Variants in TNXB observed in about 807,000 individuals in gnomAD.
TNXB encodes the protein tenascin XB.
In TNXB, 183 loss-of-function variants were observed where a neutral mutation model predicts 340.5. The ratio of observed to expected loss-of-function variants is 0.54; its 90% CI spans 0.48 to 0.61. The LOEUF is 0.61. Ranked by LOEUF, TNXB falls within the 20% of genes least tolerant of loss-of-function variation. The pLI, the probability that TNXB is intolerant of heterozygous loss-of-function variation, is 0.00. For synonymous variants in TNXB, 2,121 were observed against 2,314.5 expected, an observed-to-expected ratio of 0.92 and a Z score of 2.40; for missense variants, 4,613 against 5,446.4, an observed-to-expected ratio of 0.85 and a Z score of 4.82.
intron 11 of TNXB, among the ~76,000 whole-genome samples, chr6:32,077,511 A>G (rs1779143440): frequency 6.6e-6 from 1 of 152,224 alleles, no homozygotes; most frequent in Admixed American, 6.5e-5. Flanking sequence ...TCTGTGAGCA[A>G]AGGAAAAAAG....
At position 32,043,349 on chromosome 6, in the gene TNXB, GC is replaced by G. The variant is rs1562772631; in HGVS notation, c.11651-32del. ...AGTGTAGAGAGGGGCATCAAGGCCT[GC>G]CCCCTCCATCCTCGGCCAGAGTCCA... On this transcript the variant is annotated intron_variant, in intron 36 of 43. Coordinates refer to ENST00000644971, the MANE Select transcript of TNXB (RefSeq NM_001365276.2). The G allele has an allele frequency of 2.0e-5, 8 of 407,878 alleles. No individual in the cohort carries two copies. In the East Asian group the frequency reaches 2.9e-4, roughly 15 times the overall value. 25.3% of individuals were successfully genotyped at this position (407,878 alleles called of 1,614,324 possible). A position where few individuals can be genotyped will look rare whatever the true frequency, so the allele number is the denominator to read the frequency against.
In TNXB at chr6:32,046,198, G is replaced by C. The variant is rs201589523; in HGVS notation, c.10583C>G (p.Pro3528Arg). The part of the protein sequence containing the change: ...YGLLGGKRLG[P>R]VSALGMTAPE... ...ACCTGTCATTCCCAGGGCAGAGACC[G>C]GGCCCAGGCGCTTTCCCCCAAGGAG... is the stretch of plus-strand genomic sequence containing the variant. The change falls in exon 31 of 44, where the codon CCG becomes CGG. Residue 3528 changes from proline to arginine, a missense_variant. Transcript: ENST00000644971. The surrounding 1 kb of genome is among the most constrained non-coding windows in gnomAD (Gnocchi z 6.9). The C allele has an allele frequency of 6.3e-7, 1 of 1,588,456 alleles. No individual in the cohort carries two copies. The highest frequency in any genetic ancestry group is 8.6e-7 in the Non-Finnish European group (1 of 1,163,656).
rs777601325 is a variant in TNXB, at chr6:32,052,658, A to G, written c.9115+12T>C. The G allele has an allele frequency of 1.2e-6, 2 of 1,608,892 alleles. No individual in the cohort carries two copies. Among genetic ancestry groups the G allele is most frequent in the African/African-American group, 2.7e-5 (2 of 74,762 alleles). On this transcript the variant is annotated intron_variant, in intron 26 of 43. Coordinates refer to ENST00000644971, the MANE Select transcript of TNXB (RefSeq NM_001365276.2). This position sits in a 1 kb window ranked among gnomAD's most constrained non-coding sequence, Gnocchi z 4.7. ...CCATCTTCCCCACCTCGCCTCACTC[A>G]CACTTACTCACCTGTCACACCCACA... is the stretch of plus-strand genomic sequence containing the variant.
Position 32,053,430 on chromosome 6 carries a change from C to T in TNXB, c.8749G>A (p.Gly2917Ser), listed in dbSNP as rs61744592. 8.2e-5 allele frequency: 132 copies of T among 1,612,932 alleles called. No individual in the cohort carries two copies. The highest frequency in any genetic ancestry group is 9.8e-5 in the Non-Finnish European group (116 of 1,179,882). Residue 2917 changes from glycine (G) to serine (S), a missense_variant, in exon 25 of 44, where the codon GGT (glycine) becomes AGT (serine). Physicochemically the swap from Gly to Ser is moderately conservative, Grantham distance 56. Around this residue, in one of 7 missense-constraint regions of TNXB, gnomAD observed 4,327 missense variants for 4,859.4 expected, o/e 0.89. Coordinates refer to ENST00000644971, the MANE Select transcript of TNXB (RefSeq NM_001365276.2). ...KYKMNLYGFHGGQRVGPISVI... is the reference protein window; with the variant it reads ...KYKMNLYGFHSGQRVGPISVI... ...GAGATGGGGCCCACGCGCTGGCCACCGTGGAAGCCGTACAGGTTCATCTTG... is the reference window on the plus strand; with the variant it reads ...GAGATGGGGCCCACGCGCTGGCCACTGTGGAAGCCGTACAGGTTCATCTTG...
rs61998180 is a variant in TNXB, at chr6:32,079,055, C to G, written c.4353G>C (p.Pro1451=). 6.2e-7 allele frequency: 1 copy of G among 1,612,592 alleles called. No individual in the cohort carries two copies. The highest frequency in any genetic ancestry group is 1.7e-5 in the Admixed American group (1 of 59,940). Residue 1451 remains proline, a synonymous_variant, in exon 11 of 44, where the codon CCG becomes CCC. Transcript: ENST00000644971. This position sits in a 1 kb window ranked among gnomAD's most constrained non-coding sequence, Gnocchi z 7.1. The stretch of plus-strand genomic sequence containing the variant: ...CACCTGTCACGCCCACGGCGGACAC[C>G]GGGCCCACGCGCTGCCCCTCGTGGA... The part of the protein sequence containing the change: ...YGLHEGQRVG[P]VSAVGVTAPQ...
chr6:32,093,311 A>ATG (rs1780162714), intron 4 of TNXB: 2 of 683,994 alleles, frequency 2.9e-6, no homozygotes. Context: ...TTGTCTCGTG[A>ATG]TTAAAGTATT....
At position 32,049,732 on chromosome 6, in the gene TNXB, A is replaced by G. The variant is rs1562790611; in HGVS notation, c.9440-145T>C. 17 of 1,157,724 alleles carry G rather than the reference A, an allele frequency of 1.5e-5. No individual in the cohort carries two copies. Among genetic ancestry groups the G allele is most frequent in the Non-Finnish European group, 1.8e-5 (15 of 836,626 alleles). 71.7% of individuals were successfully genotyped at this position (1,157,724 alleles called of 1,614,324 possible). A position where few individuals can be genotyped will look rare whatever the true frequency, so the allele number is the denominator to read the frequency against. On this transcript the variant is annotated intron_variant, in intron 27 of 43. Transcript: ENST00000644971. This position sits in a 1 kb window ranked among gnomAD's most constrained non-coding sequence, Gnocchi z 4.5. ...GGGGCTGGGTGGTCCTGCTCAGCTG[A>G]CAGCTAACACACGTAACAAGTTCCA...
chr6:32,087,580 C>G lies in TNXB; in HGVS notation c.2779+1205G>C, dbSNP rs1409872981. 5.2e-6 allele frequency: 2 copies of G among 386,084 alleles called. No individual in the cohort carries two copies. The highest frequency in any genetic ancestry group is 3.1e-5 in the Admixed American group (1 of 31,986). The allele number at this position is 386,084 out of a possible 1,614,324, so 23.9% of individuals were successfully genotyped here. On this transcript the variant is annotated intron_variant, in intron 6 of 43. Transcript: ENST00000644971. The surrounding 1 kb of genome is among the most constrained non-coding windows in gnomAD (Gnocchi z 9.0). Reference sequence around the variant, plus strand: ...GCCGTAGATTCCCTGGTTGGAGTCCCGTTTCCTGGTGCCGGGATCAGGGCT... The same window carrying G: ...GCCGTAGATTCCCTGGTTGGAGTCCGGTTTCCTGGTGCCGGGATCAGGGCT...
chr6:32,061,057 G>A lies in TNXB; in HGVS notation c.7492+340C>T, dbSNP rs962101995. On this transcript the variant is annotated intron_variant, in intron 21 of 43. Transcript: ENST00000644971. This position sits in a 1 kb window ranked among gnomAD's most constrained non-coding sequence, Gnocchi z 4.4. Reference sequence around the variant, plus strand: ...CTAAATTATTTAGTCATCCCAACGTGGTTTGACGTTGGATTGTTCCTCTTG... The same window carrying A: ...CTAAATTATTTAGTCATCCCAACGTAGTTTGACGTTGGATTGTTCCTCTTG... Among the ~76,000 whole-genome samples, 3 of 151,924 alleles carry A rather than the reference G, an allele frequency of 2.0e-5. No homozygotes were observed. The highest frequency in any genetic ancestry group is 6.5e-5 in the Admixed American group (1 of 15,280).
In TNXB at chr6:32,058,973, G is replaced by A. The variant is rs1462302341; in HGVS notation, c.7493-583C>T. Among the ~76,000 whole-genome samples the A allele has an allele frequency of 6.6e-6, 1 of 151,922 alleles. No homozygotes were observed. Among genetic ancestry groups the A allele is most frequent in the Non-Finnish European group, 1.5e-5 (1 of 68,038 alleles). ...TGCAACTTTAAAACACGCTCTGCAT[G>A]CAAAATACAGGAAGGGAATGTGCAC... On this transcript the variant is annotated intron_variant, in intron 21 of 43. Coordinates refer to ENST00000644971, the MANE Select transcript of TNXB (RefSeq NM_001365276.2). This position sits in a 1 kb window ranked among gnomAD's most constrained non-coding sequence, Gnocchi z 5.1.
At chr6:32,093,638 G>A (rs551654854) in intron 4 of TNXB, among the ~76,000 whole-genome samples, 1 of 152,276 alleles carries the variant, frequency 6.6e-6, no homozygotes, top group East Asian at 1.9e-4. Context: ...TGGCATTTGT[G>A]GGATGATGCA....
Position 32,046,207 on chromosome 6 carries a change from C to T in TNXB, c.10574G>A (p.Arg3525His), listed in dbSNP as rs748920229. 1.1e-5 allele frequency: 18 copies of T among 1,592,234 alleles called. No homozygotes were observed. The highest frequency in any genetic ancestry group is 6.8e-5 in the East Asian group (3 of 44,444). Residue 3525 changes from arginine (R) to histidine (H), a missense_variant, in exon 31 of 44, where the codon CGC becomes CAC. Arg to His is a conservative substitution (Grantham distance 29, BLOSUM62 0). Around this residue, in one of 7 missense-constraint regions of TNXB, gnomAD observed 4,327 missense variants for 4,859.4 expected, o/e 0.89. Transcript: ENST00000644971. This position sits in a 1 kb window ranked among gnomAD's most constrained non-coding sequence, Gnocchi z 6.9. ...FLLYGLLGGK[R>H]LGPVSALGMT... is the part of the protein sequence containing the mutation. ...TCCCAGGGCAGAGACCGGGCCCAGG[C>T]GCTTTCCCCCAAGGAGCCCGTAGAG...
Position 32,095,769 on chromosome 6 carries a change from CG to C in TNXB, c.2083del (p.Arg695GlyfsTer12). On this transcript the variant is annotated frameshift_variant, in exon 3 of 44. Coordinates refer to ENST00000644971, the MANE Select transcript of TNXB (RefSeq NM_001365276.2). LOFTEE classifies it high-confidence loss of function. ...ACACTGGCCTGCCCGGCACAGTTCC[CG>C]GGGCCCGCAGCCTCCAGGGCAGGCG... ...ASACPGGCGPRELCRAGQCVC... is the reference protein window; with the variant it reads ...ASACPGGCGPXELCRAGQCVC... 1.2e-6 allele frequency: 2 copies of C among 1,613,806 alleles called. No homozygotes were observed. The highest frequency in any genetic ancestry group is 2.2e-5 in the East Asian group (1 of 44,872).
Position 32,108,887 on chromosome 6 carries a change from T to G in TNXB, c.-9+294A>C, listed in dbSNP as rs1054074544. ...CCACCTCTACCCTGGTTCCACCATCTGACTCCCGGAGTCCCTCGGTTTGTT... is the reference window on the plus strand; with the variant it reads ...CCACCTCTACCCTGGTTCCACCATCGGACTCCCGGAGTCCCTCGGTTTGTT... On this transcript the variant is annotated intron_variant, in intron 1 of 43. Transcript: ENST00000644971. This position sits in a 1 kb window ranked among gnomAD's most constrained non-coding sequence, Gnocchi z 4.8. Among the ~76,000 whole-genome samples the G allele has an allele frequency of 3.3e-5, 5 of 152,168 alleles. No individual in the cohort carries two copies. Among genetic ancestry groups the G allele is most frequent in the Admixed American group, 3.3e-4 (5 of 15,274 alleles).
In TNXB at chr6:32,068,225, C is replaced by A. The variant is rs528345817; in HGVS notation, c.6220+165G>T. Among the ~76,000 whole-genome samples the A allele has an allele frequency of 2.0e-5, 3 of 152,256 alleles. No homozygotes were observed. Among genetic ancestry groups the A allele is most frequent in the African/African-American group, 7.2e-5 (3 of 41,538 alleles). On this transcript the variant is annotated intron_variant, in intron 17 of 43. Transcript: ENST00000644971. The surrounding 1 kb of genome is among the most constrained non-coding windows in gnomAD (Gnocchi z 5.3). Reference sequence around the variant, plus strand: ...TGGCCCCTCTCTGTTCAGGAGGAGCCAGTGGTCAACCTCACAGGAAGGCCC... The same window carrying A: ...TGGCCCCTCTCTGTTCAGGAGGAGCAAGTGGTCAACCTCACAGGAAGGCCC...
At position 32,070,297 on chromosome 6, in the gene TNXB, G is replaced by C; in HGVS notation, c.5108C>G (p.Ser1703Cys). 6.2e-6 allele frequency: 10 copies of C among 1,613,162 alleles called. No individual in the cohort carries two copies. The highest frequency in any genetic ancestry group is 8.5e-6 in the Non-Finnish European group (10 of 1,179,586). The change falls in exon 14 of 44, where the codon TCT becomes TGT. Residue 1703 changes from serine (S) to cysteine (C), a missense_variant. Ser to Cys is a moderately radical substitution (Grantham distance 112). Coordinates refer to ENST00000644971, the MANE Select transcript of TNXB (RefSeq NM_001365276.2). The surrounding 1 kb of genome is among the most constrained non-coding windows in gnomAD (Gnocchi z 6.0). The stretch of plus-strand genomic sequence containing the variant: ...TTTGTCCTTGAACTGGACCACAAAA[G>C]AGTCGAACTGGCCCTCAGGAACCGT... ...SWTVPEGQFD[S>C]FVVQFKDKDG...
rs1429534356 is a variant in TNXB, at chr6:32,096,207, T to G, written c.1646A>C (p.Tyr549Ser). 6 of 1,567,872 alleles carry G rather than the reference T, an allele frequency of 3.8e-6. No homozygotes were observed. The highest frequency in any genetic ancestry group is 4.3e-6 in the Non-Finnish European group (5 of 1,159,716). ...EDGVCVCDAG[Y>S]SGEDCSTRSC... ...GCGCGTGCTGCAGTCTTCCCCTGAG[T>G]AGCCTGCGTCACACACGCACACGCC... Residue 549 changes from tyrosine (Y) to serine (S), a missense_variant, in exon 3 of 44, where the codon TAC (tyrosine) becomes TCC (serine). Physicochemically the swap from Tyr to Ser is moderately radical, Grantham distance 144. Transcript: ENST00000644971.
chr6:32,041,198 T>G lies in TNXB; in HGVS notation c.*151A>C. The stretch of plus-strand genomic sequence containing the variant: ...CCTTTATTGCTCCCGTACGAACCCC[T>G]CCCCTCCCCCCTGTAAACACAGTGC... On this transcript the variant is annotated 3_prime_UTR_variant, in exon 44 of 44. Transcript: ENST00000644971. The G allele has an allele frequency of 1.0e-6, 1 of 979,978 alleles. No individual in the cohort carries two copies. The highest frequency in any genetic ancestry group is 1.3e-5 in the South Asian group (1 of 77,570). 60.7% of individuals were successfully genotyped at this position (979,978 alleles called of 1,614,324 possible).
intron 6 of TNXB, among the ~76,000 whole-genome samples, chr6:32,086,560 G>T (rs938711768): frequency 2.0e-5 from 3 of 152,072 alleles, no homozygotes; most frequent in African/African-American, 7.2e-5. Flanking sequence ...AGGGTGTGGG[G>T]GTGGACATCC....
Sources: gnomAD v4.1 joint callset for allele counts (sites outside exome capture counted in the v4.1 genomes callset) on GRCh38, gnomAD v4.1.1 for gene constraint, gnomAD v4.1.1 regional missense constraint, Gnocchi (gnomAD v3.1) non-coding constraint, MANE v1.5 for transcripts, NCBI Gene and HGNC (gene_info 2026-07-23, HGNC 2026-07-21) for gene names.